The following NOL11 variants were observed in gnomAD, a reference collection of about 807,000 sequenced individuals.
The protein encoded by NOL11 is nucleolar protein 11.
In NOL11, 42 loss-of-function variants were observed where a neutral mutation model predicts 93.0. The observed-to-expected ratio is 0.45, with a 90% CI of 0.35 to 0.58. The LOEUF is 0.58. Ranked by LOEUF, NOL11 falls within the 20% of genes least tolerant of loss-of-function variation. The probability of loss-of-function intolerance (pLI) is 0.00; values close to 1 mark genes in which losing one functional copy is unlikely to be tolerated. For synonymous variants in NOL11, 296 were observed against 293.7 expected (o/e 1.01, Z -0.08); for missense variants, 775 against 841.8 (o/e 0.92, Z 0.98).
chr17:67,720,388 G>C (rs571109685), intron 3 of NOL11: 1,855 of 149,638 alleles, frequency 0.012, 18 homozygotes, highest in Non-Finnish European at 0.019. Flanking sequence ...TGCAACCTCC[G>C]CCTCCTGGGT....
At chr17:67,720,568 T>G (rs1467395005) in intron 3 of NOL11, 1 of 152,378 alleles carries the variant, frequency 6.6e-6, no homozygotes, top group Non-Finnish European at 1.5e-5. Context: ...CCCAAAGTGC[T>G]GGGATTACAG....
chr17:67,720,063 T>G lies in NOL11; in HGVS notation c.312+101T>G. 4.5e-6 allele frequency: 5 copies of G among 1,117,276 alleles called. No homozygotes were observed. In the South Asian group the frequency reaches 7.4e-5, roughly 17 times the overall value. The allele number at this position is 1,117,276 out of a possible 1,614,324, so 69.2% of individuals were successfully genotyped here. A position where few individuals can be genotyped will look rare whatever the true frequency, so the allele number is the denominator to read the frequency against. On this transcript the variant is annotated intron_variant, in intron 3 of 17. Coordinates refer to ENST00000253247, the MANE Select transcript of NOL11 (RefSeq NM_015462.5). ...ATTTATTTTAATACCTCTGGGAAAA[T>G]AAGCATAAGGTCCTAATCAGGTTTT...
intron 6 of NOL11, among the ~76,000 whole-genome samples, chr17:67,725,004 G>C (rs2055076981): frequency 6.6e-6 from 1 of 152,196 alleles, no homozygotes; most frequent in Admixed American, 6.5e-5. Context: ...CTTGCAGTGA[G>C]CTGAGATCGT....
intron 7 of NOL11, among the ~76,000 whole-genome samples, chr17:67,728,051 C>G (rs372887026): frequency 7.2e-5 from 11 of 151,952 alleles, no homozygotes; most frequent in East Asian, 1.9e-4. Flanking sequence ...ACAAGGTCAG[C>G]AGATCAAGAC....
At chr17:67,733,469 AG>A (rs1785456256) in intron 7 of NOL11, among the ~76,000 whole-genome samples, 1 of 152,118 alleles carries the variant, frequency 6.6e-6, no homozygotes, top group African/African-American at 2.4e-5. Flanking sequence ...TTCTCATTTT[AG>A]GGGGACAGTT....
chr17:67,735,877 G>A (rs1439420083), intron 8 of NOL11, 23 bp from the exon 9 acceptor site: 1 of 1,597,972 alleles, frequency 6.3e-7, no homozygotes, highest in Non-Finnish European at 8.5e-7. Flanking sequence ...ATTTGCTTAT[G>A]TTTTTGATAA....
intron 10 of NOL11, 136 bp downstream of exon 10, chr17:67,736,890 C>G (rs769602798): frequency 6.7e-6 from 5 of 750,272 alleles, no homozygotes; most frequent in African/African-American, 1.8e-5. Context: ...CGGCTTGAAC[C>G]CAGTAACCTC....
Position 67,743,772 on chromosome 17 carries a change from T to C in NOL11, c.2073T>C (p.Ile691=). 6.5e-7 allele frequency: 1 copy of C among 1,543,380 alleles called. No individual in the cohort carries two copies. Among genetic ancestry groups the C allele is most frequent in the Non-Finnish European group, 8.7e-7 (1 of 1,149,226 alleles). Residue 691 remains isoleucine, a synonymous_variant, in exon 18 of 18, where the codon ATT becomes ATC. Coordinates refer to ENST00000253247, the MANE Select transcript of NOL11 (RefSeq NM_015462.5). ...CTGTTTATTCTGAGCTCAACAAGAT[T>C]GAAGTAAGTTTTCGGGAGCTACAGA... ...QISVYSELNK[I]EVSFRELQKL...
intron 13 of NOL11, 34 bp from the exon 14 acceptor site, chr17:67,738,088 A>G: frequency 6.4e-7 from 1 of 1,557,768 alleles, no homozygotes; most frequent in South Asian, 1.2e-5. Context: ...CTTGGTGATA[A>G]GGATTAACCT....
At position 67,718,043 on chromosome 17, in the gene NOL11, C is replaced by A; in HGVS notation, c.96C>A (p.Asp32Glu). 6.2e-7 allele frequency: 1 copy of A among 1,614,206 alleles called. No homozygotes were observed. Among genetic ancestry groups the A allele is most frequent in the Non-Finnish European group, 8.5e-7 (1 of 1,180,036 alleles). The change falls in exon 1 of 18, where the codon GAC becomes GAA. Residue 32 changes from aspartate (D) to glutamate (E), a missense_variant. Physicochemically the swap from Asp to Glu is conservative, Grantham distance 45 (BLOSUM62 2). Coordinates refer to ENST00000253247, the MANE Select transcript of NOL11 (RefSeq NM_015462.5). ...LLGVEQSDKT[D>E]QFLVTDSGRT... is the part of the protein sequence containing the mutation. ...GCGTGGAGCAGAGCGACAAAACAGA[C>A]CAGTTTCTAGTGACAGACAGCGGCA...
chr17:67,719,346 C>G (rs1346253554), intron 1 of NOL11: 1 of 182,912 alleles, frequency 5.5e-6, no homozygotes, highest in East Asian at 1.7e-4. Context: ...CTGCAACCTC[C>G]ACCTCCCGAG....
Position 67,739,498 on chromosome 17 carries a change from A to ATT in NOL11, c.1843-11_1843-10dup. 2 of 1,484,488 alleles carry ATT rather than the reference A, an allele frequency of 1.3e-6. No individual in the cohort carries two copies. Among genetic ancestry groups the ATT allele is most frequent in the South Asian group, 1.2e-5 (1 of 80,870 alleles). 92.0% of individuals were successfully genotyped at this position (1,484,488 alleles called of 1,614,324 possible). On this transcript the variant is annotated splice_polypyrimidine_tract_variant and intron_variant, in intron 15 of 17. Transcript: ENST00000253247. Reference sequence around the variant, plus strand: ...TTTCTATCAAAATGATAAACTATCCATTTTTTTTCCCACCCAGCTGTTTCT... The same window carrying ATT: ...TTTCTATCAAAATGATAAACTATCCATTTTTTTTTTCCCACCCAGCTGTTTCT...
In NOL11 at chr17:67,736,765, T is replaced by C. The variant is rs1371338830; in HGVS notation, c.1143+11T>C. The stretch of plus-strand genomic sequence containing the variant: ...CAGTCAAGAAGAATTGTAAGTTTCG[T>C]AGTTGAAATTGAAACATTAGTGCAA... On this transcript the variant is annotated intron_variant, in intron 10 of 17. Transcript: ENST00000253247. The C allele has an allele frequency of 6.3e-7, 1 of 1,580,356 alleles. No individual in the cohort carries two copies. Among genetic ancestry groups the C allele is most frequent in the Non-Finnish European group, 8.7e-7 (1 of 1,152,134 alleles).
At position 67,743,253 on chromosome 17, in the gene NOL11, GC is replaced by G. The variant is rs530318230; in HGVS notation, c.1936-225del. 629 of 318,640 alleles carry G rather than the reference GC, an allele frequency of 2.0e-3. 5 individuals carry two copies. The highest frequency in any genetic ancestry group is 2.9e-3 in the Non-Finnish European group (508 of 175,232). 19.7% of individuals were successfully genotyped at this position (318,640 alleles called of 1,614,324 possible). On this transcript the variant is annotated intron_variant, in intron 16 of 17. Transcript: ENST00000253247. ...TTCCTACTCCAGCCTGGGTGACATA[GC>G]AAGATCCCATCTCTAAAATTTTTTT...
chr17:67,732,205 G>A (rs773179276), intron 7 of NOL11, among the ~76,000 whole-genome samples: 9 of 152,068 alleles, frequency 5.9e-5, no homozygotes, highest in African/African-American at 1.9e-4. Context: ...CCTAGGGACC[G>A]GGCGCAGTAA....
Position 67,739,608 on chromosome 17 carries a change from G to A in NOL11, c.1935G>A (p.Gln645=), listed in dbSNP as rs771531215. Residue 645 remains glutamine (Q), a splice_region_variant and synonymous_variant, in exon 16 of 18, where the codon CAG becomes CAA. Coordinates refer to ENST00000253247, the MANE Select transcript of NOL11 (RefSeq NM_015462.5). The part of the protein sequence containing the change: ...LPGIHPPTLN[Q]IMDWICLLLD... ...GAATACACCCACCTACCTTGAACCA[G>A]GTGAGATTATTTTTTTACTTTGATT... 10 of 1,560,496 alleles carry A rather than the reference G, an allele frequency of 6.4e-6. No individual in the cohort carries two copies. The Admixed American group carries it at 1.8e-4, about 27-fold the overall frequency.
At chr17:67,737,009 T>C in intron 10 of NOL11, 62 bp from the exon 11 acceptor site, 1 of 1,111,978 alleles carries the variant, frequency 9.0e-7, no homozygotes, top group Non-Finnish European at 1.4e-6. Context: ...TTCATATCCC[T>C]CTAAATGTGT....
rs16963131 is a variant in NOL11, at chr17:67,743,911, C to T, written c.*52C>T. ...TTTATAAAGCTCTTTTATGTGAACT[C>T]TTGCTTCATCCAGGCAAGAACGGTG... is the stretch of plus-strand genomic sequence containing the variant. On this transcript the variant is annotated 3_prime_UTR_variant, in exon 18 of 18. Transcript: ENST00000253247. 2.4e-3 allele frequency: 2,260 copies of T among 927,802 alleles called. 44 individuals carry two copies. In the African/African-American group the frequency reaches 0.035, roughly 14 times the overall value. 57.5% of individuals were successfully genotyped at this position (927,802 alleles called of 1,614,324 possible). A position where few individuals can be genotyped will look rare whatever the true frequency, so the allele number is the denominator to read the frequency against.
Position 67,726,613 on chromosome 17 carries a change from T to C in NOL11, c.818T>C (p.Val273Ala). Reference protein sequence around the residue: ...VALTALDQDHVAVLGSPLAAS... With the variant: ...VALTALDQDHAAVLGSPLAAS... ...CTCACTGCCCTGGATCAGGATCACG[T>C]CGCAGTCCTAGGAAGTCCACTAGCA... The change falls in exon 7 of 18, where the codon GTC becomes GCC. Residue 273 changes from valine to alanine, a missense_variant. Transcript: ENST00000253247. 1 of 1,613,360 alleles carries C rather than the reference T, an allele frequency of 6.2e-7. No individual in the cohort carries two copies. The highest frequency in any genetic ancestry group is 8.5e-7 in the Non-Finnish European group (1 of 1,179,732).
Sources: gnomAD v4.1 joint callset for allele counts (sites outside exome capture counted in the v4.1 genomes callset) on GRCh38, gnomAD v4.1.1 for gene constraint, MANE v1.5 for transcripts, NCBI Gene and HGNC (gene_info 2026-07-23, HGNC 2026-07-21) for gene names.